SUSD5: variants seen among roughly 807,000 people sequenced by gnomAD.
SUSD5 encodes the protein sushi domain-containing protein 5.
Under a neutral mutation model 29.5 loss-of-function variants are expected in SUSD5, and 33 were observed. The observed-to-expected ratio is 1.12, with a 90% CI of 0.85 to 1.49. The LOEUF is 1.49. Among genes scored for constraint, SUSD5 ranks in the 40% most tolerant of loss-of-function variants. The probability of loss-of-function intolerance (pLI) is 0.00; values close to 1 mark genes in which losing one functional copy is unlikely to be tolerated. For missense variants in SUSD5, 776 were observed against 800.6 expected (o/e 0.97, Z 0.37); for synonymous variants, 308 against 325.3 (o/e 0.95, Z 0.57).
intron 3 of SUSD5, among the ~76,000 whole-genome samples, chr3:33,182,046 C>T (rs73047454): frequency 0.15 from 23,191 of 152,102 alleles, 2,018 homozygotes; most frequent in South Asian, 0.26. Flanking sequence ...GATTTTAGAT[C>T]TTTCTTTTTT....
chr3:33,196,034 T>G (rs151209486), intron 3 of SUSD5, among the ~76,000 whole-genome samples: 2,352 of 152,286 alleles, frequency 0.015, 53 homozygotes, highest in African/African-American at 0.052. Flanking sequence ...CCTACCACAT[T>G]CCTGAAACTT....
intron 4 of SUSD5, among the ~76,000 whole-genome samples, chr3:33,154,473 A>G (rs1264756788): frequency 1.3e-5 from 2 of 152,204 alleles, no homozygotes; most frequent in Non-Finnish European, 2.9e-5. Flanking sequence ...CAGTGAGCCA[A>G]CATCGTACCA....
chr3:33,209,392 T>C (rs1171759976), intron 2 of SUSD5, among the ~76,000 whole-genome samples: 1 of 152,102 alleles, frequency 6.6e-6, no homozygotes, highest in African/African-American at 2.4e-5. Context: ...TCTCTTCTCC[T>C]TTTAGAATTC....
intron 3 of SUSD5, among the ~76,000 whole-genome samples, chr3:33,188,843 C>T (rs2031829721): frequency 6.6e-6 from 1 of 152,140 alleles, no homozygotes; most frequent in South Asian, 2.1e-4. Context: ...AACTTGTCAA[C>T]TTTAGATCTG....
In SUSD5 at chr3:33,176,221, T is replaced by A. The variant is rs78870459; in HGVS notation, c.410-1147A>T. On this transcript the variant is annotated intron_variant, in intron 3 of 4. Transcript: ENST00000309558. ...AATATTATTCCATTGTCTGGATGTA[T>A]CACAGTTTATTTATCTATTCACCTA... 6.1e-3 allele frequency among the ~76,000 whole-genome samples: 932 copies of A among 152,368 alleles called. 5 individuals are homozygous for A. The highest frequency in any genetic ancestry group is 0.019 in the African/African-American group (810 of 41,594).
intron 3 of SUSD5, among the ~76,000 whole-genome samples, chr3:33,182,101 C>T (rs1167058613): frequency 1.3e-5 from 2 of 152,180 alleles, no homozygotes; most frequent in Non-Finnish European, 2.9e-5. Flanking sequence ...CTAAGCACTG[C>T]TTCTCACAAC....
At chr3:33,206,849 C>T (rs1203433777) in intron 3 of SUSD5, among the ~76,000 whole-genome samples, 1 of 152,108 alleles carries the variant, frequency 6.6e-6, no homozygotes, top group Non-Finnish European at 1.5e-5. Flanking sequence ...TTAAAAAACC[C>T]AGAACATTTA....
chr3:33,200,733 A>G (rs1227590789), intron 3 of SUSD5, among the ~76,000 whole-genome samples: 1 of 152,242 alleles, frequency 6.6e-6, no homozygotes, highest in East Asian at 1.9e-4. Context: ...CATTTTGATG[A>G]GGTCTCAGAT....
intron 2 of SUSD5, among the ~76,000 whole-genome samples, chr3:33,213,020 G>A (rs565468423): frequency 6.6e-6 from 1 of 152,138 alleles, no homozygotes; most frequent in South Asian, 2.1e-4. Flanking sequence ...TTATCTCTGA[G>A]GTGGAGAAGA....
chr3:33,186,664 A>C (rs1179405088), intron 3 of SUSD5, among the ~76,000 whole-genome samples: 1 of 152,026 alleles, frequency 6.6e-6, no homozygotes, highest in African/African-American at 2.4e-5. Context: ...TGACCTCGTG[A>C]CCTGCCCGCC....
intron 2 of SUSD5, among the ~76,000 whole-genome samples, chr3:33,211,140 C>T (rs549168985): frequency 8.7e-4 from 132 of 152,266 alleles, no homozygotes; most frequent in African/African-American, 2.8e-3. Context: ...CTAATCTGCC[C>T]GCCGTGGCCT....
chr3:33,217,577 T>C (rs939951469), intron 1 of SUSD5, among the ~76,000 whole-genome samples: 3 of 152,326 alleles, frequency 2.0e-5, no homozygotes, highest in African/African-American at 7.2e-5. Flanking sequence ...ACGACATTCA[T>C]CCTTAATTAG....
At position 33,153,788 on chromosome 3, in the gene SUSD5, C is replaced by G; in HGVS notation, c.844G>C (p.Asp282His). 6.2e-7 allele frequency: 1 copy of G among 1,614,038 alleles called. No individual in the cohort carries two copies. Among genetic ancestry groups the G allele is most frequent in the Non-Finnish European group, 8.5e-7 (1 of 1,179,896 alleles). The change falls in exon 5 of 5, where the codon GAT becomes CAT. Residue 282 changes from aspartate (D) to histidine (H), a missense_variant. Transcript: ENST00000309558. ...TGGAGCAGCCGTGATCCTGGTGAATCTGCGGGGACACTGCTCCCAGCACCA... is the reference window on the plus strand; with the variant it reads ...TGGAGCAGCCGTGATCCTGGTGAATGTGCGGGGACACTGCTCCCAGCACCA... ...LPGAGSSVPA[D>H]SPGSRLLQKH... is the part of the protein sequence containing the mutation.
intron 4 of SUSD5, among the ~76,000 whole-genome samples, chr3:33,174,610 C>T (rs1253279596): frequency 6.6e-6 from 1 of 152,200 alleles, no homozygotes; most frequent in Non-Finnish European, 1.5e-5. Flanking sequence ...AGAAAGTTAA[C>T]TCAAGGTCAA....
At chr3:33,165,480 A>G (rs1214150154) in intron 4 of SUSD5, among the ~76,000 whole-genome samples, 1 of 152,172 alleles carries the variant, frequency 6.6e-6, no homozygotes, top group Non-Finnish European at 1.5e-5. Flanking sequence ...ACTCTATAAT[A>G]TTTGATTTTT....
At chr3:33,195,656 A>G (rs2031980625) in intron 3 of SUSD5, among the ~76,000 whole-genome samples, 1 of 152,110 alleles carries the variant, frequency 6.6e-6, no homozygotes, top group Non-Finnish European at 1.5e-5. Flanking sequence ...TGTTTAATTT[A>G]TAGTACATTC....
At chr3:33,159,278 G>A in intron 4 of SUSD5, among the ~76,000 whole-genome samples, 1 of 152,180 alleles carries the variant, frequency 6.6e-6, no homozygotes, top group East Asian at 1.9e-4. Context: ...CTGTCCACGG[G>A]AAAGCAGAAT....
rs2030942186 is a variant in SUSD5 at position 33,152,932 on chromosome 3, C to T, written c.1700G>A (p.Cys567Tyr). 3 of 1,614,002 alleles carry T rather than the reference C, an allele frequency of 1.9e-6. No homozygotes were observed. The highest frequency in any genetic ancestry group is 1.1e-5 in the South Asian group (1 of 91,076). The change falls in exon 5 of 5, where the codon TGT becomes TAT. Residue 567 changes from cysteine (C) to tyrosine (Y), a missense_variant. Cys to Tyr is a radical substitution (Grantham distance 194). Transcript: ENST00000309558. ...PTLESCVGDG[C>Y]PGLSRGPVIA... ...CACAGGGCCTCTGCTGAGGCCAGGA[C>T]ATCCGTCCCCCACACACGACTCCAA...
At chr3:33,212,711 C>T (rs977891312) in intron 2 of SUSD5, among the ~76,000 whole-genome samples, 42 of 152,236 alleles carry the variant, frequency 2.8e-4, no homozygotes, top group African/African-American at 9.4e-4. Flanking sequence ...GCATTCCTCA[C>T]AGCACACCCA....
Sources: gnomAD v4.1 joint callset for allele counts (sites outside exome capture counted in the v4.1 genomes callset) on GRCh38, gnomAD v4.1.1 for gene constraint, MANE v1.5 for transcripts, NCBI Gene and HGNC (gene_info 2026-07-23, HGNC 2026-07-21) for gene names.